Variants in TNPO3 observed in about 807,000 individuals in gnomAD.
The protein encoded by TNPO3 is transportin 3, also known as transportin-3.
TNPO3 carries 65 observed loss-of-function variants against 122.8 expected under a neutral mutation model. The ratio of observed to expected loss-of-function variants is 0.53; its 90% CI spans 0.43 to 0.65. The LOEUF is 0.65. Ranked by LOEUF, TNPO3 falls within the 30% of genes least tolerant of loss-of-function variation. The probability of loss-of-function intolerance (pLI) is 0.00; values close to 1 mark genes in which losing one functional copy is unlikely to be tolerated. For synonymous variants in TNPO3, 372 were observed against 411.2 expected, an observed-to-expected ratio of 0.90 and a Z score of 1.15; for missense variants, 850 against 1,136.7, an observed-to-expected ratio of 0.75 and a Z score of 3.63.
At chr7:128,967,459 T>C in intron 20 of TNPO3, 67 bp from the exon 21 acceptor site, 1 of 1,051,910 alleles carries the variant, frequency 9.5e-7, no homozygotes, top group Non-Finnish European at 1.5e-6. Flanking sequence ...ACCCTACAGA[T>C]ACTAACAAAA....
chr7:129,042,981 C>A (rs560110762), intron 1 of TNPO3, among the ~76,000 whole-genome samples: 2 of 152,216 alleles, frequency 1.3e-5, no homozygotes, highest in South Asian at 4.1e-4. Context: ...CAAAAAAGTT[C>A]CCTTATAGAG....
chr7:129,035,729 A>C (rs1466465134), intron 1 of TNPO3, among the ~76,000 whole-genome samples: 3 of 152,224 alleles, frequency 2.0e-5, no homozygotes, highest in African/African-American at 7.2e-5. Flanking sequence ...TGTCTTAACC[A>C]AAGTAATAAA....
intron 16 of TNPO3, among the ~76,000 whole-genome samples, chr7:128,978,262 A>G (rs571460383): frequency 3.3e-5 from 5 of 152,252 alleles, no homozygotes; most frequent in Non-Finnish European, 5.9e-5. Context: ...TCATAATTAC[A>G]TATCAATCTT....
intron 4 of TNPO3, 134 bp from the exon 5 acceptor site, chr7:129,005,293 T>A: frequency 2.4e-6 from 2 of 840,734 alleles, no homozygotes; most frequent in African/African-American, 1.8e-5. Context: ...TTTTTAAGTT[T>A]AAGTGTCACT....
At chr7:129,027,573 AAAAAAAAAAAAAAAAAAAC>A (rs1369268421) in intron 1 of TNPO3, among the ~76,000 whole-genome samples, 12 of 136,396 alleles carry the variant, frequency 8.8e-5, no homozygotes, top group South Asian at 2.5e-4. Context: ...AAAAAAAAAA[AAAAAAAAAAAAAAAAAAAC>A]AACACAAAAA....
Position 129,054,835 on chromosome 7 carries a change from C to T in TNPO3, c.-65G>A. The T allele has an allele frequency of 6.2e-7, 1 of 1,606,844 alleles. No homozygotes were observed. The highest frequency in any genetic ancestry group is 1.7e-5 in the Admixed American group (1 of 59,808). ...TCTCCGGAGGATTCCTCGGTTGCTC[C>T]GCCTTCGCGCTTCCTCACTGTCTGG... On this transcript the variant is annotated 5_prime_UTR_variant, in exon 1 of 23. Coordinates refer to ENST00000265388, the MANE Select transcript of TNPO3 (RefSeq NM_012470.4).
chr7:129,050,209 T>C (rs540573595), intron 1 of TNPO3, among the ~76,000 whole-genome samples: 26 of 151,696 alleles, frequency 1.7e-4, no homozygotes, highest in Non-Finnish European at 2.2e-4. Context: ...TGGTGAAACC[T>C]TGTCTCTACT....
At chr7:128,977,599 CTTTT>C (rs57577501) in intron 16 of TNPO3, among the ~76,000 whole-genome samples, 1 of 135,764 alleles carries the variant, frequency 7.4e-6, no homozygotes, top group Non-Finnish European at 1.6e-5. Flanking sequence ...TTTCTTTTTT[CTTTT>C]TTTTTTTTTT....
Position 129,014,973 on chromosome 7 carries a change from A to G in TNPO3, c.552+6T>C. The G allele has an allele frequency of 6.4e-7, 1 of 1,558,292 alleles. No individual in the cohort carries two copies. Among genetic ancestry groups the G allele is most frequent in the Non-Finnish European group, 8.6e-7 (1 of 1,161,166 alleles). On this transcript the variant is annotated splice_donor_region_variant and intron_variant, in intron 4 of 22. Transcript: ENST00000265388. ...TGCAGCAACTTAGTATTTCAAACTT[A>G]CTCACCAATAGAGATACTACTGTAC...
At chr7:128,988,876 C>T (rs1268146888) in intron 11 of TNPO3, among the ~76,000 whole-genome samples, 1 of 151,946 alleles carries the variant, frequency 6.6e-6, no homozygotes, top group East Asian at 1.9e-4. Context: ...GTCAGGAGTT[C>T]GAGACCAGCC....
intron 1 of TNPO3, among the ~76,000 whole-genome samples, chr7:129,030,699 ACTTTT>A (rs1389808653): frequency 6.6e-6 from 1 of 152,008 alleles, no homozygotes; most frequent in African/African-American, 2.4e-5. Flanking sequence ...ATTTTTATTC[ACTTTT>A]CTTAAGAGTT....
At chr7:129,019,679 G>A (rs115157844) in intron 1 of TNPO3, among the ~76,000 whole-genome samples, 1,921 of 151,984 alleles carry the variant, frequency 0.013, 50 homozygotes, top group African/African-American at 0.044. Context: ...CAAGACCCCC[G>A]TGCCTCTACA....
chr7:128,975,093 T>A, intron 17 of TNPO3, 131 bp from the exon 18 acceptor site: 1 of 688,220 alleles, frequency 1.5e-6, no homozygotes, highest in Non-Finnish European at 2.5e-6. Context: ...AAGAAAAAGA[T>A]TGTAATGAGA....
chr7:129,047,322 A>T (rs1808172940), intron 1 of TNPO3, among the ~76,000 whole-genome samples: 1 of 152,224 alleles, frequency 6.6e-6, no homozygotes, highest in Non-Finnish European at 1.5e-5. Flanking sequence ...TTCCTTCAAT[A>T]GCTCTCTACA....
At chr7:129,036,076 C>G (rs1354796883) in intron 1 of TNPO3, among the ~76,000 whole-genome samples, 1 of 151,448 alleles carries the variant, frequency 6.6e-6, no homozygotes, top group Admixed American at 6.6e-5. Flanking sequence ...GCCTCAGCCT[C>G]CCGAGTAGCT....
chr7:128,997,254 C>T, intron 8 of TNPO3, 135 bp downstream of exon 8: 1 of 852,028 alleles, frequency 1.2e-6, no homozygotes, highest in African/African-American at 1.7e-5. Context: ...CTGCCTTGGC[C>T]TCCCAAAGTG....
chr7:128,986,208 C>G (rs991253500), intron 12 of TNPO3, among the ~76,000 whole-genome samples: 20 of 152,180 alleles, frequency 1.3e-4, no homozygotes, highest in Non-Finnish European at 1.3e-4. Flanking sequence ...TTTCCCCTAG[C>G]CTTAATATCT....
At position 129,054,993 on chromosome 7, in the gene TNPO3, T is replaced by C. The variant is rs973490749; in HGVS notation, c.-223A>G. 3.6e-6 allele frequency: 2 copies of C among 555,868 alleles called. No homozygotes were observed. The highest frequency in any genetic ancestry group is 1.9e-5 in the African/African-American group (1 of 52,818). The allele number at this position is 555,868 out of a possible 1,614,324, so 34.4% of individuals were successfully genotyped here. On this transcript the variant is annotated 5_prime_UTR_variant, in exon 1 of 23. Transcript: ENST00000265388. ...CAGGTTCCTGGCCTTTTTTCCGGTT[T>C]TTCCACTTGATTCTAGACTCTTGAG...
intron 13 of TNPO3, among the ~76,000 whole-genome samples, chr7:128,983,651 G>C (rs1799862322): frequency 6.6e-6 from 1 of 152,154 alleles, no homozygotes; most frequent in Admixed American, 6.6e-5. Flanking sequence ...ATTCCTTTCT[G>C]CTAGCTCCAA....
Sources: allele counts gnomAD v4.1 joint callset (sites outside exome capture counted in the v4.1 genomes callset), GRCh38; gene constraint gnomAD v4.1.1; transcripts MANE v1.5; gene names NCBI Gene and HGNC (gene_info 2026-07-23, HGNC 2026-07-21).